MSRB3: variants seen among roughly 807,000 people sequenced by gnomAD.
The protein encoded by MSRB3 is methionine sulfoxide reductase B3.
In MSRB3, 13 loss-of-function variants were observed where a neutral mutation model predicts 21.0. That is an observed-to-expected ratio of 0.62 (90% CI 0.40 to 0.98). The LOEUF is 0.98. MSRB3 is among the 50% of genes least tolerant of loss of function. The pLI is 0.00. For synonymous variants in MSRB3, 87 were observed against 88.6 expected, an observed-to-expected ratio of 0.98 and a Z score of 0.10; for missense variants, 199 against 230.3, an observed-to-expected ratio of 0.86 and a Z score of 0.88.
chr12:65,394,579 C>T (rs908900824), intron 5 of MSRB3, among the ~76,000 whole-genome samples: 13 of 152,152 alleles, frequency 8.5e-5, no homozygotes, highest in African/African-American at 3.1e-4. Flanking sequence ...GGAAACATGT[C>T]CCAACTCATT....
intron 2 of MSRB3, among the ~76,000 whole-genome samples, chr12:65,319,886 A>T (rs1354849389): frequency 1.3e-5 from 2 of 152,314 alleles, no homozygotes; most frequent in African/African-American, 4.8e-5. Flanking sequence ...ACTTATCAGG[A>T]TGTGTAGCCT....
At chr12:65,431,585 T>TTTC (rs1019853821) in intron 5 of MSRB3, among the ~76,000 whole-genome samples, 1 of 152,074 alleles carries the variant, frequency 6.6e-6, no homozygotes, top group African/African-American at 2.4e-5. Context: ...CTTTTACTTT[T>TTTC]TTCTTCTTCT....
intron 2 of MSRB3, among the ~76,000 whole-genome samples, chr12:65,310,685 T>G (rs1312139097): frequency 6.6e-6 from 1 of 152,210 alleles, no homozygotes; most frequent in Middle Eastern, 3.2e-3. Context: ...AATGAGATTG[T>G]TTAACTGAAA....
chr12:65,415,544 T>C (rs575558106), intron 5 of MSRB3, among the ~76,000 whole-genome samples: 8 of 152,298 alleles, frequency 5.3e-5, no homozygotes, highest in East Asian at 1.9e-4. Context: ...AGGCACAAGA[T>C]TGAAATTTCT....
chr12:65,313,761 T>G (rs1384901876), intron 2 of MSRB3, among the ~76,000 whole-genome samples: 2 of 152,130 alleles, frequency 1.3e-5, no homozygotes, highest in African/African-American at 4.8e-5. Flanking sequence ...TAACTTTATC[T>G]TACCTAATTT....
chr12:65,286,265 G>A (rs1432490666), intron 1 of MSRB3: 1 of 152,060 alleles, frequency 6.6e-6, no homozygotes, highest in Admixed American at 6.6e-5. Flanking sequence ...GTGGGGTATG[G>A]GGGAAAACTT....
At chr12:65,419,873 G>C (rs555508727) in intron 5 of MSRB3, 2 of 669,632 alleles carry the variant, frequency 3.0e-6, no homozygotes, top group Admixed American at 1.9e-5. Context: ...TGGTGGAGCA[G>C]GACATGGAGA....
chr12:65,305,586 T>G (rs1265975126), intron 1 of MSRB3, among the ~76,000 whole-genome samples: 2 of 152,152 alleles, frequency 1.3e-5, no homozygotes, highest in Non-Finnish European at 2.9e-5. Context: ...GTGTAAGACC[T>G]TAGGCCATTT....
intron 5 of MSRB3, among the ~76,000 whole-genome samples, chr12:65,399,845 A>G (rs922374565): frequency 2.2e-4 from 34 of 152,214 alleles, no homozygotes; most frequent in Non-Finnish European, 4.3e-4. Flanking sequence ...CCTTTTCTGC[A>G]TCTATTGAGA....
rs750916717 is a variant in MSRB3, at chr12:65,463,143, C to T, written c.391-12C>T. 14 of 1,613,946 alleles carry T rather than the reference C, an allele frequency of 8.7e-6. No individual in the cohort carries two copies. In the East Asian group the frequency reaches 1.3e-4, roughly 15 times the overall value. On this transcript the variant is annotated splice_polypyrimidine_tract_variant and intron_variant, in intron 6 of 6. Transcript: ENST00000308259. ...ACATGCTTTTCCCTGACGTTTTGTT[C>T]TTCTCTTTCAGTGTGGTGCTCACCT...
At chr12:65,312,985 A>G (rs11175724) in intron 2 of MSRB3, among the ~76,000 whole-genome samples, 13,206 of 152,114 alleles carry the variant, frequency 0.087, 1,972 homozygotes, top group African/African-American at 0.3. Flanking sequence ...TATTGCATTA[A>G]TACAATACAG....
chr12:65,347,996 A>C (rs997503600), intron 4 of MSRB3, among the ~76,000 whole-genome samples: 1 of 152,160 alleles, frequency 6.6e-6, no homozygotes, highest in African/African-American at 2.4e-5. Flanking sequence ...CCAGTATTTT[A>C]CTGAGGATTT....
intron 1 of MSRB3, among the ~76,000 whole-genome samples, chr12:65,299,698 T>G (rs1293843768): frequency 6.6e-6 from 1 of 152,180 alleles, no homozygotes; most frequent in African/African-American, 2.4e-5. Flanking sequence ...CGTTTTCCAG[T>G]CTAGTTGGTG....
intron 5 of MSRB3, among the ~76,000 whole-genome samples, chr12:65,405,180 G>A (rs983634197): frequency 3.3e-5 from 5 of 152,006 alleles, no homozygotes; most frequent in African/African-American, 1.2e-4. Context: ...TTGAACTCAT[G>A]ACCTCAAGTG....
At chr12:65,452,805 G>A (rs533865606) in intron 5 of MSRB3, among the ~76,000 whole-genome samples, 2 of 152,234 alleles carry the variant, frequency 1.3e-5, no homozygotes, top group African/African-American at 2.4e-5. Flanking sequence ...CCTTTCTGCA[G>A]AAGTAAATGT....
chr12:65,294,269 G>A (rs1442931188), intron 1 of MSRB3, among the ~76,000 whole-genome samples: 1 of 152,140 alleles, frequency 6.6e-6, no homozygotes, highest in South Asian at 2.1e-4. Context: ...CATACCTCAT[G>A]GCCTACCTGC....
chr12:65,319,919 A>G (rs941093107), intron 2 of MSRB3, among the ~76,000 whole-genome samples: 1 of 152,164 alleles, frequency 6.6e-6, no homozygotes, highest in South Asian at 2.1e-4. Flanking sequence ...TTGCTTGACA[A>G]CGTCTTCTGA....
At chr12:65,372,266 C>T (rs1027967696) in intron 5 of MSRB3, among the ~76,000 whole-genome samples, 33 of 152,146 alleles carry the variant, frequency 2.2e-4, no homozygotes, top group Admixed American at 3.3e-4. Flanking sequence ...AACCTTCAAC[C>T]AGAAGGCAGA....
At position 65,351,008 on chromosome 12, in the gene MSRB3, C is replaced by G. The variant is rs967750054; in HGVS notation, c.264-17990C>G. ...CTCCACCCCAAATCAACAGAATATACATTTTTTTCAGCACCACACCACGCC... is the reference window on the plus strand; with the variant it reads ...CTCCACCCCAAATCAACAGAATATAGATTTTTTTCAGCACCACACCACGCC... On this transcript the variant is annotated intron_variant, in intron 4 of 6. Transcript: ENST00000308259. Among the ~76,000 whole-genome samples, 10 of 151,218 alleles carry G rather than the reference C, an allele frequency of 6.6e-5. 1 individual carries two copies. The highest frequency in any genetic ancestry group is 2.4e-4 in the African/African-American group (10 of 40,924).
Sources: allele counts gnomAD v4.1 joint callset (sites outside exome capture counted in the v4.1 genomes callset), GRCh38; gene constraint gnomAD v4.1.1; transcripts MANE v1.5; gene names NCBI Gene and HGNC (gene_info 2026-07-23, HGNC 2026-07-21).